MRPL21: variants seen among roughly 807,000 people sequenced by gnomAD.
MRPL21 encodes mitochondrial ribosomal protein L21.
Under a neutral mutation model 27.3 loss-of-function variants are expected in MRPL21, and 20 were observed. The ratio of observed to expected loss-of-function variants is 0.73; its 90% CI spans 0.52 to 1.06. The LOEUF is 1.06. MRPL21 is among the 50% of genes least tolerant of loss of function. The probability of loss-of-function intolerance (pLI) is 0.00; values close to 1 mark genes in which losing one functional copy is unlikely to be tolerated. For synonymous variants in MRPL21, 98 were observed against 101.5 expected (o/e 0.97, Z 0.21); for missense variants, 249 against 251.4 (o/e 0.99, Z 0.06).
intron 5 of MRPL21, 79 bp from the exon 6 acceptor site, chr11:68,893,072 A>G: frequency 7.0e-7 from 1 of 1,438,340 alleles, no homozygotes; most frequent in Non-Finnish European, 9.2e-7. Flanking sequence ...TCTAAAATGA[A>G]GTTATACTTT....
intron 5 of MRPL21, 86 bp from the exon 6 acceptor site, chr11:68,893,079 C>T: frequency 7.0e-7 from 1 of 1,427,126 alleles, no homozygotes; most frequent in Non-Finnish European, 9.3e-7. Context: ...TGAAGTTATA[C>T]TTTCTCTTTT....
At chr11:68,892,171 A>T in intron 6 of MRPL21, 2 of 709,828 alleles carry the variant, frequency 2.8e-6, no homozygotes, top group Non-Finnish European at 3.2e-6. Context: ...TCACGCGCGG[A>T]GGGTGGAGGA....
intron 1 of MRPL21, among the ~76,000 whole-genome samples, chr11:68,902,623 C>T (rs1318811082): frequency 6.6e-6 from 1 of 152,224 alleles, no homozygotes; most frequent in African/African-American, 2.4e-5. Flanking sequence ...ACAATCTTTA[C>T]AATTGATGAA....
chr11:68,896,425 G>A (rs1857788960), intron 4 of MRPL21, 90 bp downstream of exon 4: 5 of 1,494,142 alleles, frequency 3.3e-6, no homozygotes, highest in Middle Eastern at 1.8e-4. Context: ...CGGGGTCGGC[G>A]AGGGTCCCTC....
intron 1 of MRPL21, among the ~76,000 whole-genome samples, chr11:68,902,007 C>T (rs1041827057): frequency 6.6e-6 from 1 of 152,218 alleles, no homozygotes; most frequent in East Asian, 1.9e-4. Context: ...ACTTAGCAGG[C>T]TTCTGTACCT....
rs781353875 is a variant in MRPL21, at chr11:68,896,516, T to C, written c.395A>G (p.Lys132Arg). The C allele has an allele frequency of 1.2e-6, 2 of 1,613,970 alleles. No individual in the cohort carries two copies. The highest frequency in any genetic ancestry group is 3.3e-5 in the Admixed American group (2 of 60,000). The change falls in exon 4 of 7, where the codon AAG (lysine) becomes AGG (arginine). Residue 132 changes from lysine (K) to arginine (R), a missense_variant and splice_region_variant. Lys to Arg is a conservative substitution (Grantham distance 26). Transcript: ENST00000362034. ...LACGERIRLE[K>R]VLLVGADNFT... ...TCCAGAGAAGCTCGGTGGTCTCACC[T>C]TCTCCAGTCGAATTCTCTCTCCACA...
intron 3 of MRPL21, 173 bp from the exon 4 acceptor site, chr11:68,896,851 G>C: frequency 1.4e-6 from 1 of 733,434 alleles, no homozygotes; most frequent in Non-Finnish European, 2.2e-6. Context: ...GCAGGCACAA[G>C]GGCAGGCACA....
chr11:68,897,658 C>G (rs528351884), intron 3 of MRPL21: 2 of 525,398 alleles, frequency 3.8e-6, no homozygotes, highest in Non-Finnish European at 6.8e-6. Flanking sequence ...CACCCACCAA[C>G]AGAAGCAGAC....
chr11:68,896,807 C>A, intron 3 of MRPL21, 129 bp from the exon 4 acceptor site: 1 of 1,261,856 alleles, frequency 7.9e-7, no homozygotes. Context: ...GTGAGCACCT[C>A]ACTGCTGGCG....
chr11:68,895,953 C>T (rs517826), intron 4 of MRPL21, among the ~76,000 whole-genome samples: 5,243 of 152,244 alleles, frequency 0.034, 293 homozygotes, highest in African/African-American at 0.12. Flanking sequence ...TGGTGGGTCA[C>T]CAGTGTGAGC....
At position 68,891,436 on chromosome 11, in the gene MRPL21, C is replaced by T. The variant is rs1857644718; in HGVS notation, c.554-41G>A. 1.9e-6 allele frequency: 3 copies of T among 1,603,092 alleles called. No individual in the cohort carries two copies. In the African/African-American group the frequency reaches 4.0e-5, roughly 21 times the overall value. On this transcript the variant is annotated intron_variant, in intron 6 of 6. Transcript: ENST00000362034. The stretch of plus-strand genomic sequence containing the variant: ...TCACAGGCTTGACCACAGACCCTGA[C>T]TGTTGTCATCAGTTACAGCAGGGGC...
At chr11:68,895,288 G>A (rs529572925) in intron 4 of MRPL21, among the ~76,000 whole-genome samples, 1 of 152,040 alleles carries the variant, frequency 6.6e-6, no homozygotes, top group African/African-American at 2.4e-5. Context: ...AAAAAAAAGA[G>A]TAGGCAAAAA....
chr11:68,894,952 G>A (rs938990945), intron 4 of MRPL21, among the ~76,000 whole-genome samples: 3 of 152,164 alleles, frequency 2.0e-5, no homozygotes, highest in African/African-American at 4.8e-5. Flanking sequence ...CTGTTGCAGA[G>A]GTAATTATAA....
intron 6 of MRPL21, 66 bp from the exon 7 acceptor site, chr11:68,891,461 C>G (rs1857645128): frequency 2.0e-6 from 3 of 1,526,726 alleles, no homozygotes; most frequent in Admixed American, 3.3e-5. Context: ...ACAGCAGGGG[C>G]TCTGCACACA....
At chr11:68,903,540 G>T (rs1594411140) in intron 1 of MRPL21, among the ~76,000 whole-genome samples, 183 bp downstream of exon 1, 1 of 152,182 alleles carries the variant, frequency 6.6e-6, no homozygotes, top group Non-Finnish European at 1.5e-5. Flanking sequence ...CAGTATTCAG[G>T]CTACTAACTG....
At chr11:68,900,666 T>C in intron 1 of MRPL21, 61 bp from the exon 2 acceptor site, 2 of 1,403,824 alleles carry the variant, frequency 1.4e-6, no homozygotes, top group Non-Finnish European at 2.0e-6. Flanking sequence ...AACTGCCCTT[T>C]ATGATGCTAA....
chr11:68,892,670 C>T (rs557291412), intron 6 of MRPL21: 36 of 1,488,816 alleles, frequency 2.4e-5, no homozygotes, highest in South Asian at 6.5e-5. Flanking sequence ...AGAAGGGGAG[C>T]GAGGTGGGGT....
intron 4 of MRPL21, among the ~76,000 whole-genome samples, chr11:68,894,340 G>A (rs1436351317): frequency 6.6e-6 from 1 of 152,184 alleles, no homozygotes; most frequent in Non-Finnish European, 1.5e-5. Flanking sequence ...GAGTGCAGTG[G>A]CGTGATCTTG....
At position 68,893,405 on chromosome 11, in the gene MRPL21, G is replaced by A. The variant is rs370223908; in HGVS notation, c.447C>T (p.Leu149=). 1.7e-5 allele frequency: 28 copies of A among 1,614,094 alleles called. No individual in the cohort carries two copies. The highest frequency in any genetic ancestry group is 3.3e-5 in the South Asian group (3 of 91,086). Residue 149 remains leucine, a splice_region_variant and synonymous_variant, in exon 5 of 7, where the codon CTC becomes CTT. Coordinates refer to ENST00000362034, the MANE Select transcript of MRPL21 (RefSeq NM_181514.2). ...DNFTLLGKPL[L]GKDLVRVEAT... ...GCCCAGCACTTCACAGCCATTACCC[G>A]AGGAGTGGCTTGCCAAGCAGCGTGA...
Sources: allele counts gnomAD v4.1 joint callset (sites outside exome capture counted in the v4.1 genomes callset), GRCh38; gene constraint gnomAD v4.1.1; transcripts MANE v1.5; gene names NCBI Gene and HGNC (gene_info 2026-07-23, HGNC 2026-07-21).